Variants in HNRNPL observed in about 807,000 individuals in gnomAD.
HNRNPL encodes epididymis secretory sperm binding protein.
Under a neutral mutation model 64.0 loss-of-function variants are expected in HNRNPL, and 12 were observed. The observed-to-expected ratio is 0.19, with a 90% CI of 0.12 to 0.30. The LOEUF (loss-of-function observed/expected upper bound fraction) is 0.30, where lower values mean the gene tolerates loss of function less well. Ranked by LOEUF, HNRNPL falls within the 10% of genes least tolerant of loss-of-function variation. The probability of loss-of-function intolerance (pLI) is 1.00; values close to 1 mark genes in which losing one functional copy is unlikely to be tolerated. For synonymous variants in HNRNPL, 385 were observed against 313.0 expected (o/e 1.23, Z -2.43); for missense variants, 484 against 797.4 (o/e 0.61, Z 4.73).
At chr19:38,840,437 C>T in intron 7 of HNRNPL, 51 bp downstream of exon 7, 1 of 1,560,774 alleles carries the variant, frequency 6.4e-7, no homozygotes, top group Non-Finnish European at 8.7e-7. Flanking sequence ...GGGCGGCGGG[C>T]AGGGGCACAT....
chr19:38,839,072 T>C (rs1156873827), intron 8 of HNRNPL, 57 bp from the exon 9 acceptor site: 50 of 1,602,484 alleles, frequency 3.1e-5, no homozygotes, highest in Non-Finnish European at 3.5e-5. Flanking sequence ...TCCCCTCTCC[T>C]GCCCCTCCCA....
chr19:38,847,676 G>A (rs2145434643), intron 1 of HNRNPL: 1 of 290,226 alleles, frequency 3.4e-6, no homozygotes. Context: ...TTCTGAGGAA[G>A]GTATAACGGA....
chr19:38,839,839 C>CT (rs1273622001), intron 8 of HNRNPL, among the ~76,000 whole-genome samples: 2 of 152,206 alleles, frequency 1.3e-5, no homozygotes, highest in East Asian at 1.9e-4. Context: ...TTATAAATCT[C>CT]TATGTTCATG....
chr19:38,839,098 C>G, intron 8 of HNRNPL, 83 bp from the exon 9 acceptor site: 1 of 1,555,672 alleles, frequency 6.4e-7, no homozygotes. Flanking sequence ...GTGATAATAA[C>G]CCCTGCTCTG....
intron 6 of HNRNPL, among the ~76,000 whole-genome samples, chr19:38,842,861 G>A (rs1049414305): frequency 6.6e-6 from 1 of 152,206 alleles, no homozygotes; most frequent in Non-Finnish European, 1.5e-5. Flanking sequence ...GTTCCTTGGA[G>A]AAGAAATGGT....
chr19:38,850,074 G>C, upstream of HNRNPL: 1 of 886,780 alleles, frequency 1.1e-6, no homozygotes, highest in Non-Finnish European at 1.6e-6. Flanking sequence ...GCGGGGGGAG[G>C]GTAGGCCGCC....
upstream of HNRNPL, chr19:38,850,381 T>G (rs1441751711): frequency 5.7e-6 from 1 of 175,636 alleles, no homozygotes; most frequent in African/African-American, 2.4e-5. Context: ...CCCGCGCCAC[T>G]TCGCAAGGAG....
At chr19:38,846,184 C>T in intron 2 of HNRNPL, 94 bp from the exon 3 acceptor site, 5 of 876,604 alleles carry the variant, frequency 5.7e-6, no homozygotes, top group Non-Finnish European at 9.5e-6. Context: ...CCTCCATGGC[C>T]TCTGAACTCC....
At chr19:38,849,549 T>C in intron 1 of HNRNPL, 151 bp downstream of exon 1, 1 of 1,091,518 alleles carries the variant, frequency 9.2e-7, no homozygotes, top group Non-Finnish European at 1.2e-6. Context: ...AACCCCGCCG[T>C]TTGCCCAACG....
chr19:38,839,368 T>G, intron 8 of HNRNPL: 1 of 251,122 alleles, frequency 4.0e-6, no homozygotes, highest in Non-Finnish European at 8.0e-6. Flanking sequence ...CAAGGTAAAA[T>G]ACTCCTTCAG....
chr19:38,847,035 C>T (rs1972320573), intron 2 of HNRNPL, among the ~76,000 whole-genome samples: 1 of 152,182 alleles, frequency 6.6e-6, no homozygotes, highest in Admixed American at 6.6e-5. Context: ...GACTGCACCA[C>T]TACACTCCAG....
intron 2 of HNRNPL, 64 bp downstream of exon 2, chr19:38,847,251 TG>T: frequency 1.4e-6 from 1 of 720,186 alleles, no homozygotes; most frequent in Non-Finnish European, 2.1e-6. Flanking sequence ...CCAGAAATCG[TG>T]GACACACAAG....
intron 4 of HNRNPL, 162 bp downstream of exon 4, chr19:38,845,488 C>T (rs1310322126): frequency 3.1e-5 from 20 of 647,276 alleles, no homozygotes; most frequent in South Asian, 3.6e-5. Context: ...ATGCCTGGTC[C>T]TTTAACTGCC....
intron 2 of HNRNPL, among the ~76,000 whole-genome samples, chr19:38,847,060 C>G (rs138182574): frequency 6.6e-5 from 10 of 152,158 alleles, no homozygotes; most frequent in Non-Finnish European, 1.2e-4. Context: ...GGCCACAAAG[C>G]GAGACCTTGC....
At position 38,847,942 on chromosome 19, in the gene HNRNPL, G is replaced by A. The variant is rs1384351753; in HGVS notation, c.268-508C>T. 3.9e-5 allele frequency among the ~76,000 whole-genome samples: 6 copies of A among 152,106 alleles called. No individual in the cohort carries two copies. The South Asian group carries it at 1.2e-3, about 32-fold the overall frequency. On this transcript the variant is annotated intron_variant, in intron 1 of 12. Transcript: ENST00000221419. ...ACCTGTTCCCCACCACTCACACCCAGGTTCAGTCAGGGCAAAAAACAACAC... is the reference window on the plus strand; with the variant it reads ...ACCTGTTCCCCACCACTCACACCCAAGTTCAGTCAGGGCAAAAAACAACAC...
chr19:38,844,153 C>A (rs1052292731), intron 4 of HNRNPL, 49 bp from the exon 5 acceptor site: 15 of 1,207,354 alleles, frequency 1.2e-5, no homozygotes, highest in Non-Finnish European at 1.7e-5. Context: ...TTGAGAAGGG[C>A]TTCAAGTTAC....
chr19:38,844,217 G>T, intron 4 of HNRNPL, 113 bp from the exon 5 acceptor site: 1 of 704,730 alleles, frequency 1.4e-6, no homozygotes, highest in Admixed American at 2.3e-5. Context: ...ACAGACGGAA[G>T]CTTTGGGATT....
rs1319143014 is a variant in HNRNPL at position 38,838,513 on chromosome 19, G to A, written c.1441C>T (p.Arg481Trp). The change falls in exon 10 of 13, where the codon CGG becomes TGG. Residue 481 changes from arginine (R) to tryptophan (W), a missense_variant. By Grantham distance (101) the Arg-to-Trp change is moderately radical. Transcript: ENST00000221419. ...SCSYKDFSES[R>W]NNRFSTPEQA... The stretch of plus-strand genomic sequence containing the variant: ...TCTGGGGTGGAGAACCGATTGTTCC[G>A]GGATTCACTGAAGTCTTTGTAACTG... 4 of 1,614,052 alleles carry A rather than the reference G, an allele frequency of 2.5e-6. No individual in the cohort carries two copies. The highest frequency in any genetic ancestry group is 3.3e-5 in the Admixed American group (2 of 60,010).
intron 7 of HNRNPL, 32 bp downstream of exon 7, chr19:38,840,456 G>A (rs1436344170): frequency 6.4e-7 from 1 of 1,570,242 alleles, no homozygotes; most frequent in African/African-American, 1.4e-5. Flanking sequence ...ATGAGCCACG[G>A]GAGTCCACGG....
Sources: gnomAD v4.1 joint callset for allele counts (sites outside exome capture counted in the v4.1 genomes callset) on GRCh38, gnomAD v4.1.1 for gene constraint, MANE v1.5 for transcripts, NCBI Gene and HGNC (gene_info 2026-07-23, HGNC 2026-07-21) for gene names.